SRD5A2: variants seen among roughly 807,000 people sequenced by gnomAD.
The protein encoded by SRD5A2 is steroid 5 alpha-reductase 2.
A neutral mutation model predicts 27.4 loss-of-function variants in SRD5A2; 30 were observed. The observed-to-expected ratio is 1.10, with a 90% CI of 0.82 to 1.49. The LOEUF is 1.49. Among genes scored for constraint, SRD5A2 ranks in the 40% most tolerant of loss-of-function variants. The probability of loss-of-function intolerance (pLI) is 0.00; values close to 1 mark genes in which losing one functional copy is unlikely to be tolerated. For synonymous variants in SRD5A2, 141 were observed against 133.6 expected (o/e 1.06, Z -0.38); for missense variants, 348 against 323.4 (o/e 1.08, Z -0.58).
At chr2:31,624,155 T>C in the SRD5A2 span, among the ~76,000 whole-genome samples, 1 of 152,068 alleles carries the variant, frequency 6.6e-6, no homozygotes, top group Non-Finnish European at 1.5e-5. Flanking sequence ...GATGCTTTGA[T>C]ACAGGCATGG....
the SRD5A2 span, among the ~76,000 whole-genome samples, chr2:31,609,751 A>T: frequency 6.6e-6 from 1 of 152,098 alleles, no homozygotes; most frequent in African/African-American, 2.4e-5. Flanking sequence ...TCAGAAAAAA[A>T]CTTTCATTCT....
chr2:31,600,330 T>G, the SRD5A2 span, among the ~76,000 whole-genome samples: 1 of 152,002 alleles, frequency 6.6e-6, no homozygotes, highest in Non-Finnish European at 1.5e-5. Flanking sequence ...TGATTTATAT[T>G]CCTTTGGTAA....
intron 1 of SRD5A2, among the ~76,000 whole-genome samples, chr2:31,543,662 T>A (rs1160573033): frequency 6.6e-6 from 1 of 152,158 alleles, no homozygotes; most frequent in Admixed American, 6.5e-5. Context: ...AGCAGAGTTT[T>A]ATGTTATTGA....
At chr2:31,533,804 T>TA (rs1258199711) in intron 1 of SRD5A2, 38 bp from the exon 2 acceptor site, 1 of 1,576,452 alleles carries the variant, frequency 6.3e-7, no homozygotes, top group East Asian at 2.3e-5. Context: ...GATTCACTGT[T>TA]AAAAAAGAAC....
At chr2:31,590,899 C>T in the SRD5A2 span, among the ~76,000 whole-genome samples, 1 of 152,188 alleles carries the variant, frequency 6.6e-6, no homozygotes, top group Non-Finnish European at 1.5e-5. Flanking sequence ...AAAGCTGAAA[C>T]TGGATCCCTT....
At chr2:31,662,124 G>A in the SRD5A2 span, among the ~76,000 whole-genome samples, 1 of 152,068 alleles carries the variant, frequency 6.6e-6, no homozygotes, top group Non-Finnish European at 1.5e-5. Flanking sequence ...AAACATCTGA[G>A]TAACCATAGT....
At chr2:31,583,957 T>C (rs1399900993), upstream of SRD5A2, among the ~76,000 whole-genome samples, 1 of 151,830 alleles carries the variant, frequency 6.6e-6, no homozygotes, top group Non-Finnish European at 1.5e-5. Context: ...CAGGAAAGAG[T>C]GGGCATGACA....
the SRD5A2 span, among the ~76,000 whole-genome samples, chr2:31,590,324 C>T: frequency 8.5e-5 from 13 of 152,180 alleles, no homozygotes; most frequent in Non-Finnish European, 4.4e-5. Flanking sequence ...GAATGTTCTT[C>T]CATTTGTTTG....
rs1665687711 is a variant in SRD5A2 at position 31,522,926 on chromosome 2, A to G, written c.*3270T>C. 9.0e-6 allele frequency: 2 copies of G among 222,498 alleles called. No individual in the cohort carries two copies. The highest frequency in any genetic ancestry group is 4.5e-5 in the African/African-American group (2 of 44,686). 13.8% of individuals were successfully genotyped at this position (222,498 alleles called of 1,614,324 possible). The stretch of plus-strand genomic sequence containing the variant: ...TCCCCTGCTTCTTAGTGAGATTGCC[A>G]TGAGGTAACCACAAAAATCCAAGAG... On this transcript the variant is annotated 3_prime_UTR_variant, in exon 5 of 5. Coordinates refer to ENST00000622030, the MANE Select transcript of SRD5A2 (RefSeq NM_000348.4).
chr2:31,581,059 C>T (rs544456411), upstream of SRD5A2: 219 of 623,708 alleles, frequency 3.5e-4, 2 homozygotes, highest in East Asian at 7.2e-3. Flanking sequence ...AGCCCTGGCG[C>T]GGTTCGCAGC....
chr2:31,639,865 C>T, the SRD5A2 span, among the ~76,000 whole-genome samples: 5 of 151,960 alleles, frequency 3.3e-5, no homozygotes, highest in Admixed American at 1.3e-4. Context: ...CTAAGATCTT[C>T]CTATACATTG....
chr2:31,578,686 C>A lies in SRD5A2; in HGVS notation c.281+1934G>T, dbSNP rs1455047086. Among the ~76,000 whole-genome samples the A allele has an allele frequency of 2.0e-5, 3 of 152,180 alleles. No individual in the cohort carries two copies. In the East Asian group the frequency reaches 5.8e-4, roughly 29 times the overall value. ...GTACTTCCAGTGGGCAATTTTCCCT[C>A]AGGCAGAATGAATCTCCAAGTCCTT... On this transcript the variant is annotated intron_variant, in intron 1 of 4. Transcript: ENST00000622030.
chr2:31,595,761 C>T, the SRD5A2 span, among the ~76,000 whole-genome samples: 3 of 152,052 alleles, frequency 2.0e-5, no homozygotes, highest in Non-Finnish European at 2.9e-5. Context: ...ATAAAGAAAA[C>T]TACAAACTAA....
At chr2:31,551,997 G>C (rs1666390126) in intron 1 of SRD5A2, among the ~76,000 whole-genome samples, 1 of 151,734 alleles carries the variant, frequency 6.6e-6, no homozygotes, top group Admixed American at 6.6e-5. Flanking sequence ...TAAGCAAAGA[G>C]GTCTCAGACT....
chr2:31,652,203 G>A, the SRD5A2 span, among the ~76,000 whole-genome samples: 3 of 152,156 alleles, frequency 2.0e-5, no homozygotes, highest in Admixed American at 2.0e-4. Flanking sequence ...CAATCCACCC[G>A]CCTTGGCCTC....
the SRD5A2 span, among the ~76,000 whole-genome samples, chr2:31,645,260 G>C: frequency 1.3e-5 from 2 of 151,902 alleles, no homozygotes; most frequent in Non-Finnish European, 2.9e-5. Context: ...AGCACAACAG[G>C]GTGACTATAC....
chr2:31,634,668 T>C, the SRD5A2 span, among the ~76,000 whole-genome samples: 1 of 152,144 alleles, frequency 6.6e-6, no homozygotes, highest in Non-Finnish European at 1.5e-5. Context: ...ATTCTTTTAT[T>C]TCCTTTTATC....
chr2:31,553,092 C>A (rs1274256767), intron 1 of SRD5A2, among the ~76,000 whole-genome samples: 1 of 152,056 alleles, frequency 6.6e-6, no homozygotes, highest in Admixed American at 6.6e-5. Flanking sequence ...TACAAAGAAC[C>A]AGACAAATTC....
At chr2:31,574,357 C>A (rs1666913341) in intron 1 of SRD5A2, among the ~76,000 whole-genome samples, 1 of 152,238 alleles carries the variant, frequency 6.6e-6, no homozygotes, top group Non-Finnish European at 1.5e-5. Context: ...TCTGCCCTTT[C>A]TTGCCATGTA....
Sources: gnomAD v4.1 joint callset for allele counts (sites outside exome capture counted in the v4.1 genomes callset) on GRCh38, gnomAD v4.1.1 for gene constraint, MANE v1.5 for transcripts, NCBI Gene and HGNC (gene_info 2026-07-23, HGNC 2026-07-21) for gene names.